GGA2: variants seen among roughly 807,000 people sequenced by gnomAD.
GGA2 encodes the protein golgi associated, gamma adaptin ear containing, ARF binding protein 2.
A neutral mutation model predicts 79.5 loss-of-function variants in GGA2; 48 were observed. That is an observed-to-expected ratio of 0.60 (90% CI 0.48 to 0.77). GGA2 has a LOEUF of 0.77. GGA2 is among the 30% of genes least tolerant of loss of function. GGA2 has a pLI of 0.00. For missense variants in GGA2, 770 were observed against 774.0 expected, an observed-to-expected ratio of 0.99 and a Z score of 0.06; for synonymous variants, 317 against 302.0, an observed-to-expected ratio of 1.05 and a Z score of -0.51.
rs1964400570 is a variant in GGA2 at position 23,463,651 on chromosome 16, A to G, written c.*3939T>C. The stretch of plus-strand genomic sequence containing the variant: ...AAGATTACCACTGTCAGATGTGCAC[A>G]CAAACATCTTGGTGCATCGCTTGGC... On this transcript the variant is annotated 3_prime_UTR_variant, in exon 17 of 17. Coordinates refer to ENST00000309859, the MANE Select transcript of GGA2 (RefSeq NM_015044.4). The G allele has an allele frequency of 6.6e-6, 1 of 152,240 alleles. No individual in the cohort carries two copies. Among genetic ancestry groups the G allele is most frequent in the African/African-American group, 2.4e-5 (1 of 41,472 alleles). 9.4% of individuals were successfully genotyped at this position (152,240 alleles called of 1,614,324 possible).
chr16:23,487,722 A>C (rs1964732966), intron 6 of GGA2, among the ~76,000 whole-genome samples: 1 of 152,050 alleles, frequency 6.6e-6, no homozygotes, highest in Non-Finnish European at 1.5e-5. Context: ...TAAGGCACCA[A>C]GCAGGAGGAA....
chr16:23,491,343 T>C (rs1964784383), intron 5 of GGA2, among the ~76,000 whole-genome samples: 1 of 151,332 alleles, frequency 6.6e-6, no homozygotes, highest in African/African-American at 2.4e-5. Context: ...AAAGGTTAGT[T>C]TTTAGGCAAA....
upstream of GGA2, chr16:23,523,530 C>T (rs1182775619): frequency 1.3e-5 from 2 of 152,266 alleles, no homozygotes; most frequent in East Asian, 3.9e-4. Flanking sequence ...TGGAGTCACA[C>T]TTCTCCTTTT....
At chr16:23,487,207 C>T (rs1425616267) in intron 6 of GGA2, among the ~76,000 whole-genome samples, 1 of 152,142 alleles carries the variant, frequency 6.6e-6, no homozygotes, top group Non-Finnish European at 1.5e-5. Context: ...GTCTCAATCT[C>T]TTGACCTCGT....
intron 11 of GGA2, 130 bp downstream of exon 11, chr16:23,479,635 C>T (rs760607915): frequency 9.2e-7 from 1 of 1,082,492 alleles, no homozygotes; most frequent in Non-Finnish European, 1.3e-6. Flanking sequence ...CCAGAGGGAA[C>T]CAGCTCACTC....
intron 2 of GGA2, among the ~76,000 whole-genome samples, chr16:23,518,971 A>G (rs1965119131): frequency 6.6e-6 from 1 of 152,170 alleles, no homozygotes; most frequent in African/African-American, 2.4e-5. Context: ...AAAATAAAGT[A>G]GGATAAAGGC....
intron 1 of GGA2, among the ~76,000 whole-genome samples, chr16:23,508,570 G>A (rs755748483): frequency 2.6e-5 from 4 of 152,022 alleles, no homozygotes; most frequent in African/African-American, 7.3e-5. Context: ...GCTATCAGTG[G>A]GTGCCCCTGC....
chr16:23,472,707 C>G (rs1019554288), intron 14 of GGA2, among the ~76,000 whole-genome samples: 1 of 147,226 alleles, frequency 6.8e-6, no homozygotes, highest in Non-Finnish European at 1.5e-5. Context: ...GACCTTGTCT[C>G]AAAAATAAAA....
intron 1 of GGA2, among the ~76,000 whole-genome samples, chr16:23,504,762 T>G (rs1461878274): frequency 6.6e-6 from 1 of 152,078 alleles, no homozygotes; most frequent in Non-Finnish European, 1.5e-5. Context: ...GACTCCAAGG[T>G]GGTTTATTTA....
At chr16:23,472,702 T>TC (rs1006751803) in intron 14 of GGA2, among the ~76,000 whole-genome samples, 1 of 150,536 alleles carries the variant, frequency 6.6e-6, no homozygotes, top group African/African-American at 2.4e-5. Context: ...GGCCAGACCT[T>TC]GTCTCAAAAA....
In GGA2 at chr16:23,480,104, C is replaced by T. The variant is rs1252612513; in HGVS notation, c.1007-217G>A. The T allele has an allele frequency of 2.1e-5, 11 of 531,602 alleles. No homozygotes were observed. In the Admixed American group the frequency reaches 3.5e-4, roughly 17 times the overall value. 32.9% of individuals were successfully genotyped at this position (531,602 alleles called of 1,614,324 possible). A position where few individuals can be genotyped will look rare whatever the true frequency, so the allele number is the denominator to read the frequency against. On this transcript the variant is annotated intron_variant, in intron 10 of 16. Transcript: ENST00000309859. ...AGGCCTGCCTTCCTACCCCAGGGAT[C>T]ATAGGCCCTCCTGCAAAGATCCCAT...
At chr16:23,513,736 G>A (rs560350893), upstream of GGA2, among the ~76,000 whole-genome samples, 1 of 128,278 alleles carries the variant, frequency 7.8e-6, no homozygotes, top group South Asian at 2.5e-4. Flanking sequence ...AGTGAGCCGA[G>A]ATCACACCAC....
Position 23,496,911 on chromosome 16 carries a change from T to C in GGA2, c.92-1133A>G, listed in dbSNP as rs1213293314. Among the ~76,000 whole-genome samples the C allele has an allele frequency of 4.1e-5, 6 of 147,132 alleles. No homozygotes were observed. The Admixed American group carries it at 4.1e-4, about 10-fold the overall frequency. ...AGGTGGAGGTTGCAGTGAGCTGAGA[T>C]GGCACCACTGTACTCAGCCTGGGCA... On this transcript the variant is annotated intron_variant, in intron 1 of 16. Coordinates refer to ENST00000309859, the MANE Select transcript of GGA2 (RefSeq NM_015044.4).
At chr16:23,472,992 T>A (rs1344369557) in intron 14 of GGA2, among the ~76,000 whole-genome samples, 1 of 139,800 alleles carries the variant, frequency 7.2e-6, no homozygotes, top group Admixed American at 7.8e-5. Flanking sequence ...GAGATCATGC[T>A]GCTACACTCC....
intron 1 of GGA2, among the ~76,000 whole-genome samples, chr16:23,510,095 G>A (rs1418786750): frequency 2.7e-5 from 4 of 148,666 alleles, no homozygotes; most frequent in Admixed American, 1.3e-4. Context: ...GGGGTGGGCG[G>A]AGGGGGAGGG....
intron 9 of GGA2, among the ~76,000 whole-genome samples, chr16:23,481,643 C>T (rs1964649735): frequency 1.3e-5 from 2 of 151,776 alleles, no homozygotes; most frequent in Admixed American, 6.6e-5. Context: ...TGTGGTGGTG[C>T]GCAACTGTAG....
At chr16:23,471,689 C>A (rs768502846) in intron 14 of GGA2, among the ~76,000 whole-genome samples, 6 of 152,080 alleles carry the variant, frequency 3.9e-5, no homozygotes, top group Non-Finnish European at 5.9e-5. Flanking sequence ...TGCTTGAGGT[C>A]AGGAGTTCAA....
chr16:23,510,381 C>T lies in GGA2; in HGVS notation c.31G>A (p.Ala11Thr). 7.1e-7 allele frequency: 1 copy of T among 1,413,136 alleles called. No individual in the cohort carries two copies. The highest frequency in any genetic ancestry group is 9.2e-7 in the Non-Finnish European group (1 of 1,082,330). The allele number at this position is 1,413,136 out of a possible 1,614,324, so 87.5% of individuals were successfully genotyped here. A position where few individuals can be genotyped will look rare whatever the true frequency, so the allele number is the denominator to read the frequency against. The change falls in exon 1 of 17, where the codon GCG becomes ACG. Residue 11 changes from alanine to threonine, a missense_variant. Coordinates refer to ENST00000309859, the MANE Select transcript of GGA2 (RefSeq NM_015044.4). ...GGACCCTGGGCCGACTCGGTTCCCG[C>T]CACAGCCGCCGCCACCGCGGTCGCC... MAATAVAAAV[A>T]GTESAQGPPG...
intron 14 of GGA2, among the ~76,000 whole-genome samples, chr16:23,471,411 G>T (rs1015693445): frequency 6.6e-6 from 1 of 151,884 alleles, no homozygotes; most frequent in Admixed American, 6.6e-5. Context: ...ATTTAAAAAG[G>T]GGGGCAGGGC....
Sources: allele counts gnomAD v4.1 joint callset (sites outside exome capture counted in the v4.1 genomes callset), GRCh38; gene constraint gnomAD v4.1.1; transcripts MANE v1.5; gene names NCBI Gene and HGNC (gene_info 2026-07-23, HGNC 2026-07-21).